Variants in RBMS3 observed in about 807,000 individuals in gnomAD.
RBMS3 encodes the protein RNA binding motif single stranded interacting protein 3.
RBMS3 carries 27 observed loss-of-function variants against 66.8 expected under a neutral mutation model. The observed-to-expected ratio is 0.40, with a 90% CI of 0.30 to 0.56. RBMS3 has a LOEUF of 0.56. Ranked by LOEUF, RBMS3 falls within the 20% of genes least tolerant of loss-of-function variation. RBMS3 has a pLI of 0.40. For missense variants in RBMS3, 513 were observed against 549.5 expected (o/e 0.93, Z 0.66); for synonymous variants, 188 against 183.0 (o/e 1.03, Z -0.22).
intron 14 of RBMS3, among the ~76,000 whole-genome samples, chr3:29,997,629 A>T (rs1315243740): frequency 2.0e-5 from 3 of 151,744 alleles, no homozygotes; most frequent in African/African-American, 7.3e-5. Context: ...CAAATCAATA[A>T]ATGTAATCCA....
chr3:29,517,606 A>C (rs2044695068), intron 3 of RBMS3, among the ~76,000 whole-genome samples: 1 of 145,056 alleles, frequency 6.9e-6, no homozygotes, highest in South Asian at 2.1e-4. Flanking sequence ...TACAGGCGTG[A>C]GCCACCGCGC....
intron 6 of RBMS3, among the ~76,000 whole-genome samples, chr3:29,777,269 A>G (rs2056459659): frequency 6.6e-6 from 1 of 151,926 alleles, no homozygotes; most frequent in Admixed American, 6.6e-5. Context: ...CTCATTTAAC[A>G]ACTGTTGTAT....
At chr3:29,965,105 T>A (rs1696739551) in intron 12 of RBMS3, among the ~76,000 whole-genome samples, 1 of 152,216 alleles carries the variant, frequency 6.6e-6, no homozygotes, top group Non-Finnish European at 1.5e-5. Flanking sequence ...ACAGTTTTTT[T>A]ATCCGCTTTG....
rs200344928 is a variant in RBMS3, at chr3:29,442,721, A to AT, written c.248+7812dup. 3.1e-3 allele frequency among the ~76,000 whole-genome samples: 469 copies of AT among 152,150 alleles called. 3 individuals are homozygous for AT. The highest frequency in any genetic ancestry group is 0.011 in the African/African-American group (447 of 41,528). On this transcript the variant is annotated intron_variant, in intron 2 of 14. Transcript: ENST00000383767. ...ATCCTGGTTTTCTATTTGTCCAGTG[A>AT]TTTTTTAATTGATAAATACAGCTGA...
intron 6 of RBMS3, among the ~76,000 whole-genome samples, chr3:29,866,970 G>A (rs1436924494): frequency 1.3e-5 from 2 of 152,074 alleles, no homozygotes; most frequent in Non-Finnish European, 2.9e-5. Context: ...ATGACATTTT[G>A]TTTCTTATTT....
chr3:29,489,771 G>A (rs1195875672), intron 3 of RBMS3, among the ~76,000 whole-genome samples: 2 of 149,898 alleles, frequency 1.3e-5, no homozygotes, highest in African/African-American at 2.5e-5. Context: ...ACTGCTGGGC[G>A]CGGTGGCTCA....
At position 30,008,632 on chromosome 3, in the gene RBMS3, G is replaced by A. The variant is rs1436871505; in HGVS notation, c.*4770G>A. Reference sequence around the variant, plus strand: ...TGAGGGATTGACAGAATTTAAACAGGCTCATTGATTCTGTACACTCTACCC... The same window carrying A: ...TGAGGGATTGACAGAATTTAAACAGACTCATTGATTCTGTACACTCTACCC... On this transcript the variant is annotated 3_prime_UTR_variant, in exon 15 of 15. Transcript: ENST00000383767. 1 of 152,026 alleles carries A rather than the reference G, an allele frequency of 6.6e-6. No individual in the cohort carries two copies. Among genetic ancestry groups the A allele is most frequent in the South Asian group, 2.1e-4 (1 of 4,822 alleles). 9.4% of individuals were successfully genotyped at this position (152,026 alleles called of 1,614,324 possible).
chr3:29,880,920 C>A, intron 7 of RBMS3: 1 of 1,233,876 alleles, frequency 8.1e-7, no homozygotes, highest in Non-Finnish European at 1.1e-6. Flanking sequence ...GTTACTCATT[C>A]CTCTGGATTT....
chr3:29,714,527 G>A (rs1473287976), intron 4 of RBMS3, among the ~76,000 whole-genome samples: 1 of 152,064 alleles, frequency 6.6e-6, no homozygotes, highest in Non-Finnish European at 1.5e-5. Context: ...ACTTACAGAT[G>A]GAATTTAAAA....
Position 29,501,799 on chromosome 3 carries a change from A to G in RBMS3, c.307+13300A>G, listed in dbSNP as rs532137508. Among the ~76,000 whole-genome samples, 9 of 152,290 alleles carry G rather than the reference A, an allele frequency of 5.9e-5. No homozygotes were observed. In the East Asian group the frequency reaches 9.7e-4, roughly 16 times the overall value. On this transcript the variant is annotated intron_variant, in intron 3 of 14. Transcript: ENST00000383767. ...ATACTCAAAAAAGAGGGGAAAGTCA[A>G]TCCTAAGGGGAGGGATCATGAATGG...
intron 2 of RBMS3, among the ~76,000 whole-genome samples, chr3:29,472,164 G>A (rs79396402): frequency 0.032 from 4,902 of 151,092 alleles, 116 homozygotes; most frequent in African/African-American, 0.056. Flanking sequence ...AACATGCCCA[G>A]CATAGGAAAA....
At chr3:29,631,750 G>T (rs1218992276) in intron 4 of RBMS3, among the ~76,000 whole-genome samples, 1 of 151,714 alleles carries the variant, frequency 6.6e-6, no homozygotes, top group Non-Finnish European at 1.5e-5. Flanking sequence ...TGTCTATCTG[G>T]AAACCTATTT....
rs146952215 is a variant in RBMS3 at position 29,477,191 on chromosome 3, A to G, written c.249-11250A>G. Among the ~76,000 whole-genome samples, 202 of 152,254 alleles carry G rather than the reference A, an allele frequency of 1.3e-3. 2 individuals carry two copies. In the East Asian group the frequency reaches 0.028, roughly 21 times the overall value. ...TCTGTTTTCGTTTGACCCTTGAGTG[A>G]TATTATAGCTCACTCTCTTAGTGGA... On this transcript the variant is annotated intron_variant, in intron 2 of 14. Coordinates refer to ENST00000383767, the MANE Select transcript of RBMS3 (RefSeq NM_001003793.3).
chr3:29,805,927 C>T (rs2057532181), intron 6 of RBMS3, among the ~76,000 whole-genome samples: 1 of 152,008 alleles, frequency 6.6e-6, no homozygotes, highest in African/African-American at 2.4e-5. Flanking sequence ...CACTGACTAA[C>T]CTGGAACAAC....
intron 9 of RBMS3, among the ~76,000 whole-genome samples, chr3:29,898,547 C>T (rs573683994): frequency 6.6e-6 from 1 of 151,590 alleles, no homozygotes; most frequent in Non-Finnish European, 1.5e-5. Context: ...CAAAGCAGAT[C>T]ATTTTCTTTC....
At chr3:29,527,592 C>T (rs759279596) in intron 3 of RBMS3, among the ~76,000 whole-genome samples, 13 of 152,174 alleles carry the variant, frequency 8.5e-5, no homozygotes, top group Non-Finnish European at 1.6e-4. Context: ...TAGGTTATAT[C>T]ACTTTTCTTA....
chr3:29,285,258 G>A (rs1407645680), intron 1 of RBMS3, among the ~76,000 whole-genome samples: 2 of 130,420 alleles, frequency 1.5e-5, no homozygotes, highest in Non-Finnish European at 1.7e-5. Context: ...GGTGGTGGTG[G>A]GGAGTAGGTG....
intron 5 of RBMS3, among the ~76,000 whole-genome samples, chr3:29,756,790 T>C (rs1327987990): frequency 6.6e-6 from 1 of 152,156 alleles, no homozygotes; most frequent in Non-Finnish European, 1.5e-5. Flanking sequence ...AAGCACTTTA[T>C]GTTTATCAGT....
intron 5 of RBMS3, among the ~76,000 whole-genome samples, chr3:29,758,588 C>G (rs931851396): frequency 6.6e-6 from 1 of 152,150 alleles, no homozygotes; most frequent in South Asian, 2.1e-4. Context: ...CTCTGCTTCA[C>G]TGTTTGGTAC....
Sources: allele counts gnomAD v4.1 joint callset (sites outside exome capture counted in the v4.1 genomes callset), GRCh38; gene constraint gnomAD v4.1.1; transcripts MANE v1.5; gene names NCBI Gene and HGNC (gene_info 2026-07-23, HGNC 2026-07-21).